Variants in LRCH1 observed in about 807,000 individuals in gnomAD.
LRCH1 encodes the protein leucine rich repeats and calponin homology domain containing 1.
Under a neutral mutation model 94.9 loss-of-function variants are expected in LRCH1, and 23 were observed. That is an observed-to-expected ratio of 0.24 (90% CI 0.17 to 0.34). The LOEUF (loss-of-function observed/expected upper bound fraction) is 0.34, where lower values mean the gene tolerates loss of function less well. Among genes scored for constraint, LRCH1 ranks in the 10% least tolerant of loss-of-function variants. The pLI is 1.00. For missense variants in LRCH1, 790 were observed against 945.9 expected (o/e 0.84, Z 2.16); for synonymous variants, 364 against 354.9 (o/e 1.03, Z -0.29).
At chr13:46,567,489 A>G (rs967724442) in intron 1 of LRCH1, among the ~76,000 whole-genome samples, 27 of 108,854 alleles carry the variant, frequency 2.5e-4, no homozygotes, top group Admixed American at 8.0e-5. Context: ...ATTTAAGGCA[A>G]TTTTGTGTGT....
At chr13:46,589,035 T>C (rs1217928828) in intron 1 of LRCH1, among the ~76,000 whole-genome samples, 1 of 151,822 alleles carries the variant, frequency 6.6e-6, no homozygotes, top group Non-Finnish European at 1.5e-5. Context: ...ATGCTTACCC[T>C]CTCTCTCTAT....
chr13:46,676,892 C>T (rs1359630026), intron 3 of LRCH1, among the ~76,000 whole-genome samples: 1 of 152,164 alleles, frequency 6.6e-6, no homozygotes, highest in Non-Finnish European at 1.5e-5. Context: ...ATCCTCCCAC[C>T]TTAGCCTCCC....
At chr13:46,721,251 A>G (rs1872571497) in intron 16 of LRCH1, among the ~76,000 whole-genome samples, 1 of 152,236 alleles carries the variant, frequency 6.6e-6, no homozygotes, top group Non-Finnish European at 1.5e-5. Context: ...AAATATTATT[A>G]GATAAGATTA....
intron 13 of LRCH1, 76 bp from the exon 14 acceptor site, chr13:46,711,715 T>C: frequency 9.1e-7 from 1 of 1,099,558 alleles, no homozygotes; most frequent in South Asian, 1.3e-5. Flanking sequence ...ATGATGGCAG[T>C]AAGAAAGATG....
chr13:46,741,797 C>T lies in LRCH1; in HGVS notation c.2241C>T (p.Leu747=). The change falls in exon 20 of 20, where the codon CTC becomes CTT. Residue 747 remains leucine, a synonymous_variant. Coordinates refer to ENST00000389797, the MANE Select transcript of LRCH1 (RefSeq NM_001164211.2). ...DLIGFCLVHI[L]FIVLVYITYH... is the part of the protein sequence containing the mutation. ...TAGGCTTCTGTCTTGTCCATATTCT[C>T]TTTATAGTGCTGGTCTATATCACTT... 6.2e-7 allele frequency: 1 copy of T among 1,614,210 alleles called. No individual in the cohort carries two copies. Among genetic ancestry groups the T allele is most frequent in the South Asian group, 1.1e-5 (1 of 91,082 alleles).
chr13:46,561,169 T>C lies in LRCH1; in HGVS notation c.307+7466T>C, dbSNP rs1366633178. Reference sequence around the variant, plus strand: ...TCATATTTTGCTTGGTAAGAAATTATTGCTTCTCTGTTAATATGATGCTGG... The same window carrying C: ...TCATATTTTGCTTGGTAAGAAATTACTGCTTCTCTGTTAATATGATGCTGG... On this transcript the variant is annotated intron_variant, in intron 1 of 19. Transcript: ENST00000389797. 3.9e-5 allele frequency among the ~76,000 whole-genome samples: 6 copies of C among 152,376 alleles called. No individual in the cohort carries two copies. In the East Asian group the frequency reaches 1.2e-3, roughly 29 times the overall value.
intron 1 of LRCH1, 77 bp downstream of exon 1, chr13:46,553,780 C>G (rs1011243830): frequency 1.7e-5 from 26 of 1,565,894 alleles, no homozygotes; most frequent in Non-Finnish European, 2.2e-5. Flanking sequence ...ACGCGGTGGA[C>G]AGTCGGAGAT....
chr13:46,672,111 A>G (rs926720367), intron 3 of LRCH1, among the ~76,000 whole-genome samples: 1 of 152,142 alleles, frequency 6.6e-6, no homozygotes, highest in African/African-American at 2.4e-5. Context: ...TGCCTTTTCC[A>G]GAATGTCATG....
At chr13:46,682,484 G>T (rs1018547652) in intron 4 of LRCH1, among the ~76,000 whole-genome samples, 1 of 152,188 alleles carries the variant, frequency 6.6e-6, no homozygotes, top group African/African-American at 2.4e-5. Flanking sequence ...AAGCCAGCCC[G>T]TCACAAGGGG....
chr13:46,636,764 A>G (rs1406458680), intron 1 of LRCH1, among the ~76,000 whole-genome samples: 1 of 152,098 alleles, frequency 6.6e-6, no homozygotes, highest in Non-Finnish European at 1.5e-5. Context: ...CACTGTCTTC[A>G]CTTGGTTTCC....
chr13:46,600,951 C>T (rs1187637417), intron 1 of LRCH1, among the ~76,000 whole-genome samples: 1 of 152,210 alleles, frequency 6.6e-6, no homozygotes, highest in Non-Finnish European at 1.5e-5. Context: ...TTCAGTTACT[C>T]AGTTTCACCT....
intron 1 of LRCH1, among the ~76,000 whole-genome samples, chr13:46,608,548 G>T (rs1283353617): frequency 5.3e-5 from 8 of 152,178 alleles, no homozygotes; most frequent in Non-Finnish European, 8.8e-5. Flanking sequence ...CCATCCTTCT[G>T]CAGGAAAAGA....
chr13:46,660,747 T>G (rs897971683), intron 2 of LRCH1, among the ~76,000 whole-genome samples: 4 of 152,212 alleles, frequency 2.6e-5, no homozygotes, highest in African/African-American at 9.6e-5. Context: ...CCTAAAGCTT[T>G]GGTCTTCAAT....
At chr13:46,574,360 T>G (rs1483515203) in intron 1 of LRCH1, among the ~76,000 whole-genome samples, 1 of 151,864 alleles carries the variant, frequency 6.6e-6, no homozygotes, top group East Asian at 1.9e-4. Context: ...TAAAAAAAAT[T>G]AACATTAAAA....
At chr13:46,736,436 C>T (rs958318173) in intron 19 of LRCH1, among the ~76,000 whole-genome samples, 2 of 152,066 alleles carry the variant, frequency 1.3e-5, no homozygotes, top group African/African-American at 4.8e-5. Context: ...CTTCCCCACC[C>T]CACCTTAGAT....
chr13:46,652,684 G>T (rs1230436454), intron 2 of LRCH1, among the ~76,000 whole-genome samples: 1 of 152,128 alleles, frequency 6.6e-6, no homozygotes, highest in African/African-American at 2.4e-5. Flanking sequence ...AACATATACA[G>T]GGGAAAGCAT....
intron 3 of LRCH1, among the ~76,000 whole-genome samples, chr13:46,678,677 C>G (rs1377367845): frequency 6.6e-6 from 1 of 152,086 alleles, no homozygotes; most frequent in East Asian, 1.9e-4. Flanking sequence ...AGTAAATTGA[C>G]CATTTTCCCT....
chr13:46,714,638 C>T (rs1429871962), intron 15 of LRCH1, among the ~76,000 whole-genome samples: 9 of 152,040 alleles, frequency 5.9e-5, no homozygotes, highest in Admixed American at 5.2e-4. Flanking sequence ...GTTTTCCTCC[C>T]GAACAAAGAC....
At position 46,741,871 on chromosome 13, in the gene LRCH1, C is replaced by T. The variant is rs1873680025; in HGVS notation, c.*23C>T. 6.2e-7 allele frequency: 1 copy of T among 1,612,868 alleles called. No homozygotes were observed. Among genetic ancestry groups the T allele is most frequent in the African/African-American group, 1.3e-5 (1 of 74,912 alleles). On this transcript the variant is annotated 3_prime_UTR_variant, in exon 20 of 20. Transcript: ENST00000389797. ...TAATGTCTGCACGTGCATCCAAACG[C>T]TGTGCTCTGTCGCCCTCAACCTTTG...
Sources: gnomAD v4.1 joint callset for allele counts (sites outside exome capture counted in the v4.1 genomes callset) on GRCh38, gnomAD v4.1.1 for gene constraint, MANE v1.5 for transcripts, NCBI Gene and HGNC (gene_info 2026-07-23, HGNC 2026-07-21) for gene names.